HABP2: variants seen among roughly 807,000 people sequenced by gnomAD.
HABP2 encodes the protein factor VII-activating protease.
HABP2 carries 65 observed loss-of-function variants against 66.5 expected under a neutral mutation model. The ratio of observed to expected loss-of-function variants is 0.98; its 90% CI spans 0.80 to 1.20. The LOEUF is 1.20. Ranked by LOEUF, HABP2 falls within the 50% of genes most tolerant of loss-of-function variation. The pLI is 0.00. For synonymous variants in HABP2, 263 were observed against 253.9 expected (o/e 1.04, Z -0.34); for missense variants, 786 against 691.0 (o/e 1.14, Z -1.54).
At chr10:113,587,348 C>T (rs1438194711) in intron 12 of HABP2, among the ~76,000 whole-genome samples, 1 of 144,740 alleles carries the variant, frequency 6.9e-6, no homozygotes, top group Non-Finnish European at 1.5e-5. Flanking sequence ...CAAAAAAAAA[C>T]CTCATTCAAT....
At chr10:113,579,997 G>A (rs1845491416) in intron 7 of HABP2, among the ~76,000 whole-genome samples, 1 of 152,028 alleles carries the variant, frequency 6.6e-6, no homozygotes, top group South Asian at 2.1e-4. Flanking sequence ...GGCCAGCCTG[G>A]TCTCGAACTC....
Position 113,580,730 on chromosome 10 carries a change from G to A in HABP2, c.838+38G>A, listed in dbSNP as rs115303674. 1,994 of 1,076,640 alleles carry A rather than the reference G, an allele frequency of 1.9e-3. 35 individuals are homozygous for A. The African/African-American group carries it at 0.028, about 15-fold the overall frequency. 66.7% of individuals were successfully genotyped at this position (1,076,640 alleles called of 1,614,324 possible). On this transcript the variant is annotated intron_variant, in intron 8 of 12. Coordinates refer to ENST00000351270, the MANE Select transcript of HABP2 (RefSeq NM_004132.5). ...GCTGTTCAGAAGCCCAGGGGGTGGG[G>A]GGGATGGAGATTTGTAGGGAGATGT... is the stretch of plus-strand genomic sequence containing the variant.
intron 1 of HABP2, among the ~76,000 whole-genome samples, chr10:113,556,717 A>G (rs1309489204): frequency 6.6e-6 from 1 of 151,620 alleles, no homozygotes; most frequent in Non-Finnish European, 1.5e-5. Context: ...CCATCTCAAA[A>G]AAAGTTTAAA....
chr10:113,579,261 A>T (rs1845475192), intron 7 of HABP2, among the ~76,000 whole-genome samples: 1 of 152,030 alleles, frequency 6.6e-6, no homozygotes, highest in African/African-American at 2.4e-5. Flanking sequence ...AAAAGAAAAA[A>T]AAAAAAGAAA....
rs1161772232 is a variant in HABP2 at position 113,588,840 on chromosome 10, GTTA to G, written c.*477_*479del. On this transcript the variant is annotated 3_prime_UTR_variant, in exon 13 of 13. Transcript: ENST00000351270. ...ACAACATTCTCCATCTGCTTTCAGA[GTTA>G]TTATTTTAATAAAGGAAGATCTGGG... The G allele has an allele frequency of 2.3e-5, 16 of 700,012 alleles. No homozygotes were observed. The highest frequency in any genetic ancestry group is 2.8e-4 in the Middle Eastern group (1 of 3,626). The allele number at this position is 700,012 out of a possible 1,614,324, so 43.4% of individuals were successfully genotyped here. A position where few individuals can be genotyped will look rare whatever the true frequency, so the allele number is the denominator to read the frequency against.
At position 113,556,682 on chromosome 10, in the gene HABP2, C is replaced by T. The variant is rs570102434; in HGVS notation, c.69+3492C>T. Among the ~76,000 whole-genome samples, 7 of 151,534 alleles carry T rather than the reference C, an allele frequency of 4.6e-5. 1 individual carries two copies. The Middle Eastern group carries it at 0.02, about 442-fold the overall frequency. On this transcript the variant is annotated intron_variant, in intron 1 of 12. Coordinates refer to ENST00000351270, the MANE Select transcript of HABP2 (RefSeq NM_004132.5). Reference sequence around the variant, plus strand: ...ATGAGCAGAGAAGGTGCCATTGCATCCTGCCTTGGCAACAGAGCAAGACTC... The same window carrying T: ...ATGAGCAGAGAAGGTGCCATTGCATTCTGCCTTGGCAACAGAGCAAGACTC...
chr10:113,568,143 C>T (rs151089561), intron 2 of HABP2, among the ~76,000 whole-genome samples: 59 of 152,324 alleles, frequency 3.9e-4, no homozygotes, highest in Non-Finnish European at 7.2e-4. Context: ...CCACAGCGTG[C>T]GCAAGCTAAG....
intron 1 of HABP2, among the ~76,000 whole-genome samples, chr10:113,553,920 G>T (rs752646406): frequency 1.3e-5 from 2 of 152,190 alleles, no homozygotes; most frequent in African/African-American, 4.8e-5. Context: ...ATCTCTGTGG[G>T]CATGGAAAGA....
chr10:113,553,612 G>T (rs985217002), intron 1 of HABP2, among the ~76,000 whole-genome samples: 5 of 152,254 alleles, frequency 3.3e-5, no homozygotes, highest in African/African-American at 1.2e-4. Context: ...AGGGTAAGAA[G>T]CAATGTGCTA....
intron 9 of HABP2, 147 bp from the exon 10 acceptor site, chr10:113,583,069 C>T: frequency 1.5e-6 from 1 of 646,880 alleles, no homozygotes; most frequent in Non-Finnish European, 2.7e-6. Context: ...CTTACATAAT[C>T]TTATTTGGAC....
chr10:113,554,906 G>A (rs1017033768), intron 1 of HABP2, among the ~76,000 whole-genome samples: 6 of 152,184 alleles, frequency 3.9e-5, no homozygotes, highest in African/African-American at 9.7e-5. Flanking sequence ...GAGAGGATTC[G>A]GGGCTTTGGA....
At chr10:113,577,952 G>A (rs980317818) in intron 5 of HABP2, 74 bp from the exon 6 acceptor site, 21 of 1,560,652 alleles carry the variant, frequency 1.3e-5, no homozygotes, top group Non-Finnish European at 1.8e-5. Flanking sequence ...TGCCACCAAT[G>A]TCTCCTTGTC....
intron 1 of HABP2, among the ~76,000 whole-genome samples, chr10:113,561,444 C>G (rs1300175382): frequency 6.6e-6 from 1 of 152,162 alleles, no homozygotes; most frequent in South Asian, 2.1e-4. Flanking sequence ...TGTCCACCTT[C>G]CAGTCCAGAG....
chr10:113,587,825 A>C (rs1845681105), intron 12 of HABP2, among the ~76,000 whole-genome samples: 1 of 151,950 alleles, frequency 6.6e-6, no homozygotes, highest in African/African-American at 2.4e-5. Flanking sequence ...AAAACCCAGG[A>C]GATCTAACCC....
chr10:113,558,930 A>G (rs1845050201), intron 1 of HABP2, among the ~76,000 whole-genome samples: 1 of 151,990 alleles, frequency 6.6e-6, no homozygotes, highest in Non-Finnish European at 1.5e-5. Context: ...TCTTGGCTCA[A>G]TGCAACCTCT....
At position 113,589,219 on chromosome 10, in the gene HABP2, C is replaced by A; in HGVS notation, c.*850C>A. The A allele has an allele frequency of 1.5e-6, 1 of 655,122 alleles. No individual in the cohort carries two copies. Among genetic ancestry groups the A allele is most frequent in the East Asian group, 2.8e-5 (1 of 36,324 alleles). The allele number at this position is 655,122 out of a possible 1,614,324, so 40.6% of individuals were successfully genotyped here. ...CCCTTTCCTTTTCCCCTCTTCTACC[C>A]TCCCCAAGAAAAAGGGCCTTCAAGG... On this transcript the variant is annotated 3_prime_UTR_variant, in exon 13 of 13. Transcript: ENST00000351270.
chr10:113,553,445 G>T (rs1341985181), intron 1 of HABP2, among the ~76,000 whole-genome samples: 2 of 152,260 alleles, frequency 1.3e-5, no homozygotes, highest in Non-Finnish European at 2.9e-5. Context: ...GGAGACTGGG[G>T]CAAGAAAATG....
rs1229267155 is a variant in HABP2, at chr10:113,584,223, A to G, written c.1313A>G (p.Asp438Gly). The G allele has an allele frequency of 3.1e-6, 5 of 1,613,720 alleles. No homozygotes were observed. Among genetic ancestry groups the G allele is most frequent in the Non-Finnish European group, 4.2e-6 (5 of 1,179,722 alleles). Reference protein sequence around the residue: ...SKYVKTVCLPDGSFPSGSECH... With the variant: ...SKYVKTVCLPGGSFPSGSECH... ...TACGTGAAGACTGTGTGCTTGCCTG[A>G]TGGGTCCTTTCCCTCTGGGAGTGAG... The change falls in exon 11 of 13, where the codon GAT (aspartate) becomes GGT (glycine). Residue 438 changes from aspartate to glycine, a missense_variant. Asp to Gly is a moderately conservative substitution (Grantham distance 94). Transcript: ENST00000351270.
At chr10:113,570,851 A>C (rs1489403853) in intron 2 of HABP2, among the ~76,000 whole-genome samples, 1 of 152,192 alleles carries the variant, frequency 6.6e-6, no homozygotes, top group Non-Finnish European at 1.5e-5. Flanking sequence ...TGTGCTGGGC[A>C]CTCTGGGGTT....
Sources: allele counts gnomAD v4.1 joint callset (sites outside exome capture counted in the v4.1 genomes callset), GRCh38; gene constraint gnomAD v4.1.1; transcripts MANE v1.5; gene names NCBI Gene and HGNC (gene_info 2026-07-23, HGNC 2026-07-21).